RPH3A: variants seen among roughly 807,000 people sequenced by gnomAD.
The protein encoded by RPH3A is rabphilin-3A.
In RPH3A, 48 loss-of-function variants were observed where a neutral mutation model predicts 102.2. The ratio of observed to expected loss-of-function variants is 0.47; its 90% CI spans 0.37 to 0.60. RPH3A has a LOEUF of 0.60. RPH3A is among the 20% of genes least tolerant of loss of function. RPH3A has a pLI of 0.00. For synonymous variants in RPH3A, 310 were observed against 324.3 expected, an observed-to-expected ratio of 0.96 and a Z score of 0.47; for missense variants, 781 against 910.1, an observed-to-expected ratio of 0.86 and a Z score of 1.83.
intron 1 of RPH3A, chr12:112,617,817 A>T (rs189057393): frequency 6.6e-6 from 1 of 152,340 alleles, no homozygotes; most frequent in East Asian, 1.9e-4. Flanking sequence ...CTCCTGCTTC[A>T]GCCTCCTGAG....
intron 1 of RPH3A, among the ~76,000 whole-genome samples, chr12:112,687,969 C>G (rs1017468621): frequency 4.6e-5 from 7 of 152,148 alleles, no homozygotes; most frequent in Non-Finnish European, 8.8e-5. Flanking sequence ...TGTGGTCTAC[C>G]CCCAAGGCCC....
intron 1 of RPH3A, among the ~76,000 whole-genome samples, chr12:112,740,850 T>C (rs1312468884): frequency 2.0e-5 from 3 of 152,186 alleles, no homozygotes; most frequent in African/African-American, 7.2e-5. Flanking sequence ...ATATGGGATG[T>C]CTCCTGTTCC....
chr12:112,731,294 T>C (rs2040632957), intron 1 of RPH3A, among the ~76,000 whole-genome samples: 1 of 152,092 alleles, frequency 6.6e-6, no homozygotes, highest in African/African-American at 2.4e-5. Context: ...TGAATACACG[T>C]ATAAGTTTCC....
chr12:112,663,415 T>A, intron 1 of RPH3A, among the ~76,000 whole-genome samples: 1 of 152,038 alleles, frequency 6.6e-6, no homozygotes. Flanking sequence ...GTTTTTGCCA[T>A]GTTGCCCAGG....
intron 1 of RPH3A, among the ~76,000 whole-genome samples, chr12:112,610,110 C>T (rs1250131561): frequency 2.0e-5 from 3 of 152,234 alleles, no homozygotes; most frequent in African/African-American, 7.2e-5. Context: ...GCTCCAGCCA[C>T]ACCACACTGA....
rs148623497 is a variant in RPH3A at position 112,710,468 on chromosome 12, A to G, written c.-139-81675A>G. On this transcript the variant is annotated intron_variant, in intron 1 of 21. Transcript: ENST00000543106. The stretch of plus-strand genomic sequence containing the variant: ...CAGGAGGCTGCTCCTTGTACCCTGT[A>G]AAGTCCCCAGGCGGCCATTCCATGA... 2.5e-4 allele frequency among the ~76,000 whole-genome samples: 38 copies of G among 152,278 alleles called. 1 individual carries two copies. The East Asian group carries it at 6.6e-3, about 26-fold the overall frequency.
chr12:112,804,684 C>A (rs1220290036), intron 2 of RPH3A, among the ~76,000 whole-genome samples: 1 of 152,174 alleles, frequency 6.6e-6, no homozygotes, highest in Non-Finnish European at 1.5e-5. Context: ...TGATTGATTA[C>A]CACAGCCCCC....
chr12:112,830,199 T>C (rs1291809594), intron 3 of RPH3A, among the ~76,000 whole-genome samples: 2 of 152,152 alleles, frequency 1.3e-5, no homozygotes, highest in Non-Finnish European at 2.9e-5. Flanking sequence ...CACATTCAAA[T>C]GATCCCACAA....
intron 1 of RPH3A, among the ~76,000 whole-genome samples, chr12:112,603,805 G>T (rs374183560): frequency 6.6e-6 from 1 of 152,010 alleles, no homozygotes; most frequent in Non-Finnish European, 1.5e-5. Flanking sequence ...ATTTTTCTTC[G>T]CCCTCACTCA....
At chr12:112,667,542 A>G (rs1481288965) in intron 1 of RPH3A, among the ~76,000 whole-genome samples, 1 of 152,052 alleles carries the variant, frequency 6.6e-6, no homozygotes, top group Non-Finnish European at 1.5e-5. Context: ...TAATTTAAGG[A>G]CAAGTTATAT....
intron 1 of RPH3A, among the ~76,000 whole-genome samples, chr12:112,650,179 C>T (rs773901333): frequency 1.2e-4 from 19 of 152,196 alleles, no homozygotes; most frequent in Admixed American, 3.9e-4. Context: ...CCAGTTCAGT[C>T]CCAGCAGCCA....
chr12:112,847,608 C>A, intron 4 of RPH3A, 88 bp from the exon 5 acceptor site: 1 of 1,412,324 alleles, frequency 7.1e-7, no homozygotes, highest in South Asian at 1.3e-5. Context: ...ATCCTTTTGT[C>A]CACAGTTTCC....
At chr12:112,854,815 T>C (rs1301206203) in intron 5 of RPH3A, among the ~76,000 whole-genome samples, 1 of 152,264 alleles carries the variant, frequency 6.6e-6, no homozygotes, top group East Asian at 1.9e-4. Context: ...GACTTTGAAC[T>C]TGAATCTGTC....
At chr12:112,754,707 T>A (rs1251037416) in intron 1 of RPH3A, among the ~76,000 whole-genome samples, 1 of 152,218 alleles carries the variant, frequency 6.6e-6, no homozygotes, top group Non-Finnish European at 1.5e-5. Flanking sequence ...CTTTTCTTAG[T>A]ACCATAAGAA....
chr12:112,730,488 G>T (rs987107015), intron 1 of RPH3A, among the ~76,000 whole-genome samples: 1 of 152,202 alleles, frequency 6.6e-6, no homozygotes, highest in Non-Finnish European at 1.5e-5. Context: ...TCAGCCCAAT[G>T]CTGGAAAACC....
chr12:112,739,879 A>G (rs2040696225), intron 1 of RPH3A, among the ~76,000 whole-genome samples: 1 of 152,118 alleles, frequency 6.6e-6, no homozygotes, highest in Non-Finnish European at 1.5e-5. Context: ...GACTCTTCCA[A>G]GTTTCCAGCT....
chr12:112,630,833 G>C (rs1044842255), intron 1 of RPH3A, among the ~76,000 whole-genome samples: 5 of 152,164 alleles, frequency 3.3e-5, no homozygotes, highest in Non-Finnish European at 7.3e-5. Flanking sequence ...TACAATCCTT[G>C]CTGTCATTCA....
chr12:112,817,596 G>A lies in RPH3A; in HGVS notation c.-18-10705G>A, dbSNP rs112388084. 4.7e-4 allele frequency among the ~76,000 whole-genome samples: 71 copies of A among 151,880 alleles called. 1 individual carries two copies. The highest frequency in any genetic ancestry group is 1.6e-3 in the African/African-American group (67 of 41,374). On this transcript the variant is annotated intron_variant, in intron 2 of 21. Transcript: ENST00000389385. The stretch of plus-strand genomic sequence containing the variant: ...ACCCCCCGCACACGCAGCCTTTTTA[G>A]AGGAGGGAAGAAATTGGTCTTTGCT...
At chr12:112,754,631 A>G (rs1332563159) in intron 1 of RPH3A, among the ~76,000 whole-genome samples, 1 of 152,220 alleles carries the variant, frequency 6.6e-6, no homozygotes, top group Admixed American at 6.5e-5. Flanking sequence ...AAAGGGAGAT[A>G]TGTCAAGTTT....
Sources: allele counts gnomAD v4.1 joint callset (sites outside exome capture counted in the v4.1 genomes callset), GRCh38; gene constraint gnomAD v4.1.1; transcripts MANE v1.5; gene names NCBI Gene and HGNC (gene_info 2026-07-23, HGNC 2026-07-21).